Variants in CDYL observed in about 807,000 individuals in gnomAD.
CDYL encodes chromodomain Y-like protein.
Under a neutral mutation model 47.3 loss-of-function variants are expected in CDYL, and 8 were observed. That is an observed-to-expected ratio of 0.17 (90% CI 0.10 to 0.31). The LOEUF (loss-of-function observed/expected upper bound fraction) is 0.31. Among genes scored for constraint, CDYL ranks in the 10% least tolerant of loss-of-function variants. The pLI, the probability that CDYL is intolerant of heterozygous loss-of-function variation, is 1.00. For synonymous variants in CDYL, 266 were observed against 265.0 expected (o/e 1.00, Z -0.04); for missense variants, 471 against 701.4 (o/e 0.67, Z 3.71).
intron 1 of CDYL, among the ~76,000 whole-genome samples, chr6:4,780,625 C>T (rs1016903112): frequency 6.6e-6 from 1 of 152,028 alleles, no homozygotes; most frequent in Non-Finnish European, 1.5e-5. Context: ...CTTAACTATC[C>T]TAAACTTTCT....
chr6:4,901,068 T>G (rs1757037669), intron 2 of CDYL, among the ~76,000 whole-genome samples: 1 of 151,460 alleles, frequency 6.6e-6, no homozygotes, highest in African/African-American at 2.4e-5. Context: ...CCAATTAATG[T>G]GCATTAATTT....
At chr6:4,943,490 T>C in intron 4 of CDYL, 56 bp from the exon 5 acceptor site, 1 of 1,245,220 alleles carries the variant, frequency 8.0e-7, no homozygotes. Flanking sequence ...AATAGACTTT[T>C]CCTTTGCTCA....
At chr6:4,758,351 A>AATAAATAAATATATATATATAT (rs1554134097) in intron 3 of CDYL, among the ~76,000 whole-genome samples, 1 of 129,074 alleles carries the variant, frequency 7.7e-6, no homozygotes, top group Non-Finnish European at 1.6e-5. Context: ...AAAATAAATA[A>AATAAATAAATATATATATATAT]ATATATATAT....
intron 1 of CDYL, among the ~76,000 whole-genome samples, chr6:4,706,791 T>A (rs1757054288): frequency 6.6e-6 from 1 of 151,862 alleles, no homozygotes; most frequent in South Asian, 2.1e-4. Flanking sequence ...TGTCGTAAAA[T>A]AAATAAAATA....
intron 3 of CDYL, among the ~76,000 whole-genome samples, chr6:4,758,351 A>ATATATATATATATATATATATATATATAT (rs1758108099): frequency 7.7e-5 from 10 of 129,066 alleles, no homozygotes; most frequent in African/African-American, 3.1e-4. Flanking sequence ...AAAATAAATA[A>ATATATATATATATATATATATATATATAT]ATATATATAT....
At chr6:4,812,502 C>G (rs139337337) in intron 1 of CDYL, among the ~76,000 whole-genome samples, 273 of 152,314 alleles carry the variant, frequency 1.8e-3, no homozygotes, top group African/African-American at 5.8e-3. Flanking sequence ...TTGTATCAAT[C>G]TGACTCTTAC....
intron 5 of CDYL, among the ~76,000 whole-genome samples, chr6:4,948,303 A>G (rs1581292123): frequency 6.6e-6 from 1 of 152,154 alleles, no homozygotes; most frequent in East Asian, 1.9e-4. Flanking sequence ...GGCCAAAGAC[A>G]TTTTGGAAGT....
chr6:4,749,337 A>C (rs543766649), intron 3 of CDYL, among the ~76,000 whole-genome samples: 3 of 128,352 alleles, frequency 2.3e-5, no homozygotes, highest in Admixed American at 8.3e-5. Flanking sequence ...GGATGGATGG[A>C]TGGCTGGATA....
intron 2 of CDYL, among the ~76,000 whole-genome samples, chr6:4,902,289 C>T (rs1226896467): frequency 2.0e-5 from 3 of 151,948 alleles, no homozygotes; most frequent in South Asian, 2.1e-4. Flanking sequence ...GCCTGTAAAC[C>T]CAGCTACTCG....
chr6:4,838,186 G>A (rs1760380340), intron 1 of CDYL, among the ~76,000 whole-genome samples: 1 of 151,942 alleles, frequency 6.6e-6, no homozygotes, highest in Non-Finnish European at 1.5e-5. Flanking sequence ...GGTCTTTTGG[G>A]AACAGGTGGT....
intron 1 of CDYL, among the ~76,000 whole-genome samples, chr6:4,789,709 G>A (rs1758866718): frequency 6.6e-6 from 1 of 152,126 alleles, no homozygotes. Context: ...ACTTTGCTCT[G>A]TTTCCCTAGC....
intron 1 of CDYL, among the ~76,000 whole-genome samples, chr6:4,805,749 C>T (rs1443779651): frequency 6.6e-6 from 1 of 152,200 alleles, no homozygotes; most frequent in Non-Finnish European, 1.5e-5. Context: ...CTTCCTCTGT[C>T]TACCTCTTTG....
rs1554134097 is a variant in CDYL at position 4,758,351 on chromosome 6, A to AATAAATATATATATAT, written c.186+23510_186+23511insAATATATATATATATA. Reference sequence around the variant, plus strand: ...AAGACTCATGTCTTGAAAATAAATAAATATATATATATATATATATCTCTT... The same window carrying AATAAATATATATATAT: ...AAGACTCATGTCTTGAAAATAAATAAATAAATATATATATATATATATATATATATATATATCTCTT... On this transcript the variant is annotated intron_variant, in intron 3 of 8. Coordinates refer to the CDYL transcript ENST00000328908. 4.4e-3 allele frequency among the ~76,000 whole-genome samples: 572 copies of AATAAATATATATATAT among 129,036 alleles called. 3 individuals carry two copies. The highest frequency in any genetic ancestry group is 0.012 in the South Asian group (42 of 3,598). 84.7% of individuals were successfully genotyped at this position (129,036 alleles called of 152,430 possible).
intron 2 of CDYL, among the ~76,000 whole-genome samples, chr6:4,895,874 C>T (rs1439929324): frequency 1.3e-5 from 2 of 152,178 alleles, no homozygotes; most frequent in African/African-American, 2.4e-5. Context: ...AAAAAACATC[C>T]ATCCACACAT....
At chr6:4,763,763 T>G (rs1460504799) in intron 3 of CDYL, among the ~76,000 whole-genome samples, 1 of 152,124 alleles carries the variant, frequency 6.6e-6, no homozygotes, top group Non-Finnish European at 1.5e-5. Context: ...GTCAACATAG[T>G]GAAACCTCAT....
At chr6:4,850,418 A>C (rs1581210987) in intron 1 of CDYL, among the ~76,000 whole-genome samples, 1 of 152,214 alleles carries the variant, frequency 6.6e-6, no homozygotes, top group East Asian at 1.9e-4. Flanking sequence ...TTAGCGAAAA[A>C]GTTTATAATT....
chr6:4,823,708 A>G (rs1759902656), intron 1 of CDYL, among the ~76,000 whole-genome samples: 1 of 152,314 alleles, frequency 6.6e-6, no homozygotes, highest in South Asian at 2.1e-4. Flanking sequence ...AATTCCCCCA[A>G]ACAGAAACTT....
intron 1 of CDYL, among the ~76,000 whole-genome samples, chr6:4,832,065 A>C (rs1760161875): frequency 6.6e-6 from 1 of 151,708 alleles, no homozygotes; most frequent in African/African-American, 2.4e-5. Flanking sequence ...AATACCCTTT[A>C]TTTCCTTCTC....
intron 1 of CDYL, among the ~76,000 whole-genome samples, chr6:4,781,425 A>G (rs1758616157): frequency 6.6e-6 from 1 of 152,238 alleles, no homozygotes; most frequent in South Asian, 2.1e-4. Flanking sequence ...GATTGGAATC[A>G]CCAAAATTAG....
Sources: gnomAD v4.1 joint callset for allele counts (sites outside exome capture counted in the v4.1 genomes callset) on GRCh38, gnomAD v4.1.1 for gene constraint, MANE v1.5 for transcripts, NCBI Gene and HGNC (gene_info 2026-07-23, HGNC 2026-07-21) for gene names.